CARMIL1: variants seen among roughly 807,000 people sequenced by gnomAD.
CARMIL1 encodes capping protein regulator and myosin 1 linker 1, also known as F-actin-uncapping protein LRRC16A.
In CARMIL1, 90 loss-of-function variants were observed where a neutral mutation model predicts 177.1. That is an observed-to-expected ratio of 0.51 (90% CI 0.43 to 0.61). The LOEUF is 0.61. CARMIL1 is among the 20% of genes least tolerant of loss of function. The pLI, the probability that CARMIL1 is intolerant of heterozygous loss-of-function variation, is 0.00. For synonymous variants in CARMIL1, 577 were observed against 606.2 expected, an observed-to-expected ratio of 0.95 and a Z score of 0.71; for missense variants, 1,380 against 1,667.0, an observed-to-expected ratio of 0.83 and a Z score of 3.00.
At chr6:25,316,694 G>A (rs533677330) in intron 2 of CARMIL1, among the ~76,000 whole-genome samples, 15 of 152,220 alleles carry the variant, frequency 9.9e-5, no homozygotes, top group African/African-American at 3.6e-4. Context: ...TTAGACATGA[G>A]CCACCACGCC....
chr6:25,609,197 T>A (rs1430251028), intron 35 of CARMIL1, among the ~76,000 whole-genome samples: 2 of 152,042 alleles, frequency 1.3e-5, no homozygotes, highest in African/African-American at 2.4e-5. Flanking sequence ...CCAGGCGCGG[T>A]GGCTCACACC....
chr6:25,343,251 A>G (rs1045679448), intron 2 of CARMIL1, among the ~76,000 whole-genome samples: 3 of 151,754 alleles, frequency 2.0e-5, no homozygotes, highest in African/African-American at 7.3e-5. Flanking sequence ...GAGGATTTAA[A>G]TTTATTTTGC....
At chr6:25,459,269 T>TCTCTCTCTCTCTCTCTTTC (rs56094712) in intron 8 of CARMIL1, among the ~76,000 whole-genome samples, 1 of 118,170 alleles carries the variant, frequency 8.5e-6, no homozygotes, top group Admixed American at 9.2e-5. Flanking sequence ...TTTCTTTCTT[T>TCTCTCTCTCTCTCTCTTTC]TTTTTTTTTT....
intron 1 of CARMIL1, among the ~76,000 whole-genome samples, chr6:25,283,647 C>G (rs2690054): frequency 0.81 from 123,858 of 152,146 alleles, 51,079 homozygotes; most frequent in African/African-American, 0.95. Context: ...ATTGTGCTGT[C>G]ATGATTTTGG....
At chr6:25,505,583 G>A (rs948460129) in intron 17 of CARMIL1, among the ~76,000 whole-genome samples, 2 of 152,096 alleles carry the variant, frequency 1.3e-5, no homozygotes, top group African/African-American at 2.4e-5. Context: ...CTCCTGAGTA[G>A]CTGGGATTAC....
At chr6:25,343,988 C>T (rs1433981751) in intron 2 of CARMIL1, among the ~76,000 whole-genome samples, 1 of 152,148 alleles carries the variant, frequency 6.6e-6, no homozygotes, top group East Asian at 1.9e-4. Context: ...GTCACTAGTC[C>T]TCTGCTCTTC....
chr6:25,591,879 A>G (rs554932913), intron 31 of CARMIL1, among the ~76,000 whole-genome samples: 4 of 152,196 alleles, frequency 2.6e-5, no homozygotes, highest in African/African-American at 4.8e-5. Context: ...GCTGTCCTGC[A>G]GGAAAGCAAA....
Position 25,609,943 on chromosome 6 carries a change from G to A in CARMIL1, c.3848-107G>A, listed in dbSNP as rs1582521476. On this transcript the variant is annotated intron_variant, in intron 35 of 36. Coordinates refer to ENST00000329474, the MANE Select transcript of CARMIL1 (RefSeq NM_017640.6). Reference sequence around the variant, plus strand: ...TTTTTGGCCAGAAAAATTCTATGATGCTTTATTTTTTTAAATGACTTATTT... The same window carrying A: ...TTTTTGGCCAGAAAAATTCTATGATACTTTATTTTTTTAAATGACTTATTT... 14 of 1,298,042 alleles carry A rather than the reference G, an allele frequency of 1.1e-5. No homozygotes were observed. The East Asian group carries it at 3.3e-4, about 31-fold the overall frequency. 80.4% of individuals were successfully genotyped at this position (1,298,042 alleles called of 1,614,324 possible).
At chr6:25,595,785 A>G (rs1814776546) in intron 32 of CARMIL1, among the ~76,000 whole-genome samples, 1 of 152,190 alleles carries the variant, frequency 6.6e-6, no homozygotes, top group African/African-American at 2.4e-5. Context: ...AACCAACACA[A>G]ACATATAGCA....
intron 2 of CARMIL1, among the ~76,000 whole-genome samples, chr6:25,393,705 C>G (rs1222390314): frequency 6.9e-6 from 1 of 144,812 alleles, no homozygotes. Context: ...AAGACCTGCT[C>G]TACAATTTTT....
chr6:25,394,568 T>C (rs992275567), intron 2 of CARMIL1, among the ~76,000 whole-genome samples: 1 of 152,222 alleles, frequency 6.6e-6, no homozygotes, highest in Non-Finnish European at 1.5e-5. Context: ...CAGGTTGGTT[T>C]AATGACTACT....
At chr6:25,481,696 T>C (rs1802135746) in intron 11 of CARMIL1, among the ~76,000 whole-genome samples, 1 of 152,242 alleles carries the variant, frequency 6.6e-6, no homozygotes, top group African/African-American at 2.4e-5. Context: ...TGATTTTAAA[T>C]ACCATAAATT....
In CARMIL1 at chr6:25,605,654, T is replaced by A. The variant is rs150015054; in HGVS notation, c.3635-407T>A. The stretch of plus-strand genomic sequence containing the variant: ...CACTCAGAACCTGTAGCCAGAGCCC[T>A]AACTGCTTATTGTCCAGAACCAAGG... On this transcript the variant is annotated intron_variant, in intron 34 of 36. Coordinates refer to ENST00000329474, the MANE Select transcript of CARMIL1 (RefSeq NM_017640.6). Among the ~76,000 whole-genome samples, 468 of 152,328 alleles carry A rather than the reference T, an allele frequency of 3.1e-3. 1 individual carries two copies. The highest frequency in any genetic ancestry group is 0.01 in the African/African-American group (432 of 41,574).
intron 2 of CARMIL1, among the ~76,000 whole-genome samples, chr6:25,366,509 C>T (rs1393407488): frequency 6.6e-6 from 1 of 151,532 alleles, no homozygotes; most frequent in African/African-American, 2.4e-5. Flanking sequence ...TGAACATGCC[C>T]CTATGTCTTC....
At chr6:25,340,168 G>C (rs1205719924) in intron 2 of CARMIL1, among the ~76,000 whole-genome samples, 1 of 146,660 alleles carries the variant, frequency 6.8e-6, no homozygotes, top group East Asian at 2.0e-4. Context: ...ATTTGATTGA[G>C]CATCTGAATC....
intron 29 of CARMIL1, chr6:25,563,319 G>A: frequency 2.0e-6 from 2 of 985,310 alleles, no homozygotes; most frequent in Non-Finnish European, 2.4e-6. Flanking sequence ...AAATCCCTTT[G>A]GGATGAAAGG....
chr6:25,488,441 C>T (rs764264939), intron 12 of CARMIL1, 41 bp from the exon 13 acceptor site: 1 of 1,428,872 alleles, frequency 7.0e-7, no homozygotes, highest in Non-Finnish European at 9.9e-7. Flanking sequence ...CATTTTGTTT[C>T]CTGGAGTGCA....
chr6:25,459,273 T>TCTTTCTTTCTTTCTTTCTTTCTTTC (rs1390647134), intron 8 of CARMIL1, among the ~76,000 whole-genome samples: 1 of 132,844 alleles, frequency 7.5e-6, no homozygotes, highest in East Asian at 2.3e-4. Context: ...TTTCTTTTTT[T>TCTTTCTTTCTTTCTTTCTTTCTTTC]TTTTTTTAAG....
At chr6:25,487,526 A>T (rs1802785911) in intron 12 of CARMIL1, among the ~76,000 whole-genome samples, 1 of 152,244 alleles carries the variant, frequency 6.6e-6, no homozygotes, top group African/African-American at 2.4e-5. Flanking sequence ...TATTTCTAAA[A>T]TATATAATTT....
Sources: allele counts gnomAD v4.1 joint callset (sites outside exome capture counted in the v4.1 genomes callset), GRCh38; gene constraint gnomAD v4.1.1; transcripts MANE v1.5; gene names NCBI Gene and HGNC (gene_info 2026-07-23, HGNC 2026-07-21).